GPM6A: variants seen among roughly 807,000 people sequenced by gnomAD.
The protein encoded by GPM6A is glycoprotein M6A, also known as neuronal membrane glycoprotein M6-a.
In GPM6A, 7 loss-of-function variants were observed where a neutral mutation model predicts 32.1. That is an observed-to-expected ratio of 0.22 (90% CI 0.12 to 0.41). GPM6A has a LOEUF of 0.41. GPM6A is among the 10% of genes least tolerant of loss of function. The pLI is 1.00. For missense variants in GPM6A, 235 were observed against 347.2 expected (o/e 0.68, Z 2.57); for synonymous variants, 130 against 123.4 (o/e 1.05, Z -0.35).
chr4:175,700,847 A>G (rs1421148311), intron 2 of GPM6A, among the ~76,000 whole-genome samples: 1 of 152,218 alleles, frequency 6.6e-6, no homozygotes, highest in Non-Finnish European at 1.5e-5. Context: ...TAACTTATTT[A>G]GCAATAAACG....
intron 3 of GPM6A, among the ~76,000 whole-genome samples, chr4:175,655,340 C>A (rs1294989055): frequency 2.0e-5 from 3 of 151,990 alleles, no homozygotes; most frequent in Non-Finnish European, 4.4e-5. Context: ...ATAATTTGAT[C>A]TTTCCATTTT....
At chr4:175,902,199 A>ACCC (rs1737990325) in intron 1 of GPM6A, among the ~76,000 whole-genome samples, 1 of 151,922 alleles carries the variant, frequency 6.6e-6, no homozygotes, top group Non-Finnish European at 1.5e-5. Flanking sequence ...AACAACCTGG[A>ACCC]TGCCTTTCAT....
intron 6 of GPM6A, among the ~76,000 whole-genome samples, chr4:175,639,904 G>T (rs940972665): frequency 3.3e-5 from 5 of 151,872 alleles, no homozygotes; most frequent in African/African-American, 9.7e-5. Flanking sequence ...AAATCCTAAT[G>T]AATTACTATT....
chr4:175,845,638 T>C (rs1175330467), intron 1 of GPM6A, among the ~76,000 whole-genome samples: 1 of 152,092 alleles, frequency 6.6e-6, no homozygotes, highest in East Asian at 1.9e-4. Flanking sequence ...TCTTTCCCCT[T>C]TCCTCACCAA....
intron 1 of GPM6A, among the ~76,000 whole-genome samples, chr4:175,798,012 T>A (rs948043762): frequency 2.0e-5 from 3 of 152,128 alleles, no homozygotes; most frequent in Non-Finnish European, 4.4e-5. Flanking sequence ...CCCCACTCCA[T>A]ACTCACCGAA....
chr4:175,924,013 T>G (rs1382833200), intron 1 of GPM6A, among the ~76,000 whole-genome samples: 1 of 152,220 alleles, frequency 6.6e-6, no homozygotes, highest in Admixed American at 6.5e-5. Context: ...GTATTTGTCC[T>G]AGGTATTTCC....
chr4:175,763,082 A>G (rs1043304313), intron 1 of GPM6A, among the ~76,000 whole-genome samples: 1 of 152,238 alleles, frequency 6.6e-6, no homozygotes, highest in Non-Finnish European at 1.5e-5. Flanking sequence ...ATATATATCT[A>G]TAAAGTTGTT....
chr4:175,825,147 C>A (rs1735394429), intron 1 of GPM6A, among the ~76,000 whole-genome samples: 1 of 152,000 alleles, frequency 6.6e-6, no homozygotes, highest in South Asian at 2.1e-4. Context: ...AATTTAAAAT[C>A]AATTTAAAAT....
chr4:175,720,414 C>T (rs1746058264), intron 1 of GPM6A, among the ~76,000 whole-genome samples: 1 of 152,038 alleles, frequency 6.6e-6, no homozygotes. Context: ...AAGAATACTG[C>T]AAAATAGAAG....
chr4:175,959,831 G>A lies in GPM6A; in HGVS notation c.-23+42478C>T, dbSNP rs1471043541. 7.9e-5 allele frequency among the ~76,000 whole-genome samples: 12 copies of A among 152,038 alleles called. No homozygotes were observed. In the East Asian group the frequency reaches 2.3e-3, roughly 29 times the overall value. ...TTACAAAGGGTTATAAATAGAGGAG[G>A]GCTGAAAATGCAAATCCTAAGAGTC... On this transcript the variant is annotated intron_variant, in intron 1 of 7. Transcript: ENST00000280187.
chr4:175,882,204 G>A (rs1048389274), intron 1 of GPM6A, among the ~76,000 whole-genome samples: 13 of 151,854 alleles, frequency 8.6e-5, no homozygotes, highest in Non-Finnish European at 1.2e-4. Context: ...CTGAGGTAGC[G>A]TGCCTCTAAA....
intron 1 of GPM6A, among the ~76,000 whole-genome samples, chr4:175,757,268 G>A (rs1732564243): frequency 6.6e-6 from 1 of 151,992 alleles, no homozygotes; most frequent in African/African-American, 2.4e-5. Flanking sequence ...CTCCCCCTGA[G>A]AGCCAGCACC....
intron 1 of GPM6A, among the ~76,000 whole-genome samples, chr4:176,001,489 C>T (rs960168305): frequency 1.3e-5 from 2 of 152,194 alleles, no homozygotes; most frequent in Non-Finnish European, 2.9e-5. Context: ...TGTGAATCGG[C>T]TATTTCACAC....
intron 1 of GPM6A, among the ~76,000 whole-genome samples, chr4:175,757,520 C>A (rs749759574): frequency 3.9e-5 from 6 of 152,128 alleles, no homozygotes; most frequent in Non-Finnish European, 7.4e-5. Flanking sequence ...CAAGCACAAT[C>A]ATGATCAGTT....
chr4:175,982,871 T>C (rs1253264393), intron 1 of GPM6A, among the ~76,000 whole-genome samples: 1 of 152,206 alleles, frequency 6.6e-6, no homozygotes, highest in Non-Finnish European at 1.5e-5. Context: ...TAATGTGGTG[T>C]ATCTTTCTAT....
At chr4:175,742,709 C>T (rs1379849568) in intron 1 of GPM6A, among the ~76,000 whole-genome samples, 4 of 152,078 alleles carry the variant, frequency 2.6e-5, no homozygotes, top group Non-Finnish European at 5.9e-5. Context: ...TATACTAGAA[C>T]ATACACAAGA....
chr4:175,914,781 GCTAT>G (rs1560991811), intron 1 of GPM6A, among the ~76,000 whole-genome samples: 1 of 152,124 alleles, frequency 6.6e-6, no homozygotes, highest in Non-Finnish European at 1.5e-5. Context: ...CTATCTTGCA[GCTAT>G]CTGTTTAAGA....
intron 4 of GPM6A, among the ~76,000 whole-genome samples, chr4:175,650,171 A>G (rs934482654): frequency 2.0e-5 from 3 of 152,276 alleles, no homozygotes; most frequent in African/African-American, 7.2e-5. Flanking sequence ...CCCCCCGTAC[A>G]CATGTACATA....
At chr4:176,001,185 C>G (rs1449546203) in intron 1 of GPM6A, among the ~76,000 whole-genome samples, 2 of 152,196 alleles carry the variant, frequency 1.3e-5, no homozygotes, top group Non-Finnish European at 2.9e-5. Flanking sequence ...GAATTTCAAC[C>G]CGAGCACGTC....
Sources: gnomAD v4.1 joint callset for allele counts (sites outside exome capture counted in the v4.1 genomes callset) on GRCh38, gnomAD v4.1.1 for gene constraint, MANE v1.5 for transcripts, NCBI Gene and HGNC (gene_info 2026-07-23, HGNC 2026-07-21) for gene names.